Variants in PTCHD4 observed in about 807,000 individuals in gnomAD.
PTCHD4 encodes the protein patched domain-containing protein 4.
A neutral mutation model predicts 58.1 loss-of-function variants in PTCHD4; 33 were observed. The ratio of observed to expected loss-of-function variants is 0.57; its 90% confidence interval spans 0.43 to 0.76. The LOEUF (loss-of-function observed/expected upper bound fraction) is 0.76. PTCHD4 is among the 30% of genes least tolerant of loss of function. The probability of loss-of-function intolerance (pLI) is 0.00; values close to 1 mark genes in which losing one functional copy is unlikely to be tolerated. For missense variants in PTCHD4, 1,058 were observed against 1,027.1 expected (o/e 1.03, Z -0.41); for synonymous variants, 478 against 409.6 (o/e 1.17, Z -2.02).
intron 4 of PTCHD4, among the ~76,000 whole-genome samples, chr6:47,985,456 A>C (rs1043048061): frequency 6.6e-6 from 1 of 152,130 alleles, no homozygotes; most frequent in Admixed American, 6.5e-5. Flanking sequence ...TATGAAAGTC[A>C]TTTATATAGA....
intron 4 of PTCHD4, among the ~76,000 whole-genome samples, chr6:47,980,818 T>C (rs550882374): frequency 2.0e-5 from 3 of 151,994 alleles, no homozygotes; most frequent in East Asian, 1.9e-4. Flanking sequence ...CACTGTTTTT[T>C]CTCCTCCCCA....
chr6:47,939,390 G>T (rs1307115134), intron 4 of PTCHD4, among the ~76,000 whole-genome samples: 2 of 152,050 alleles, frequency 1.3e-5, no homozygotes, highest in Non-Finnish European at 2.9e-5. Flanking sequence ...AAAGTCAGTA[G>T]TAATTAAGAG....
At chr6:48,081,325 T>C (rs565531424) in intron 1 of PTCHD4, among the ~76,000 whole-genome samples, 1 of 152,172 alleles carries the variant, frequency 6.6e-6, no homozygotes, top group Non-Finnish European at 1.5e-5. Context: ...ACATTTCTGC[T>C]CTGTTTTAGG....
intron 1 of PTCHD4, among the ~76,000 whole-genome samples, chr6:48,106,237 A>G (rs941872252): frequency 6.6e-6 from 1 of 152,182 alleles, no homozygotes; most frequent in Admixed American, 6.5e-5. Context: ...GCAACACATC[A>G]AAAAGCTTAT....
rs187792680 is a variant in PTCHD4, at chr6:47,866,456, A to G, written c.*11847T>C. Among the ~76,000 whole-genome samples the G allele has an allele frequency of 2.4e-4, 36 of 151,958 alleles. No individual in the cohort carries two copies. The highest frequency in any genetic ancestry group is 1.2e-3 in the Admixed American group (19 of 15,234). ...CACTAGCTTTGTTACTCCTAGGGTT[A>G]TCCAAAATGTCTCTTAGAGTGTGTT... On this transcript the variant is annotated 3_prime_UTR_variant, in exon 5 of 5. Transcript: ENST00000339488.
In PTCHD4 at chr6:47,977,156, T is replaced by C. The variant is rs1767723117; in HGVS notation, c.898+31478A>G. Among the ~76,000 whole-genome samples, 4 of 152,136 alleles carry C rather than the reference T, an allele frequency of 2.6e-5. No individual in the cohort carries two copies. The South Asian group carries it at 8.3e-4, about 32-fold the overall frequency. ...ACAGAGTTATACAGAAGTTAAGTAA[T>C]GGTTATATATAAGGTGAGCAGGCTT... On this transcript the variant is annotated intron_variant, in intron 4 of 4. Coordinates refer to ENST00000339488, the MANE Select transcript of PTCHD4 (RefSeq NM_001384253.1).
intron 4 of PTCHD4, among the ~76,000 whole-genome samples, chr6:47,982,481 C>CTCTCT (rs557273165): frequency 1.5e-5 from 2 of 130,794 alleles, no homozygotes; most frequent in Admixed American, 8.4e-5. Context: ...TTATCTCTCT[C>CTCTCT]TTTTTTTTTT....
chr6:48,109,886 C>T (rs1191775691), intron 1 of PTCHD4, among the ~76,000 whole-genome samples: 1 of 151,920 alleles, frequency 6.6e-6, no homozygotes, highest in Non-Finnish European at 1.5e-5. Context: ...GAAATATTTC[C>T]TCACACCTAT....
At chr6:47,888,439 C>T (rs1369716062) in intron 4 of PTCHD4, among the ~76,000 whole-genome samples, 1 of 152,074 alleles carries the variant, frequency 6.6e-6, no homozygotes, top group Non-Finnish European at 1.5e-5. Context: ...GACACTCAGT[C>T]CTTAGCACTC....
chr6:47,945,787 A>G (rs915045591), intron 4 of PTCHD4, among the ~76,000 whole-genome samples: 3 of 151,688 alleles, frequency 2.0e-5, no homozygotes, highest in Non-Finnish European at 2.9e-5. Context: ...GATCATCTTT[A>G]CTGCCTTTAA....
chr6:48,032,919 G>T (rs898803044), intron 3 of PTCHD4, among the ~76,000 whole-genome samples: 1 of 152,016 alleles, frequency 6.6e-6, no homozygotes, highest in African/African-American at 2.4e-5. Context: ...CTTGAAGGTG[G>T]AATCGGTGTT....
chr6:48,001,294 G>A lies in PTCHD4; in HGVS notation c.898+7340C>T, dbSNP rs560993059. 1.1e-3 allele frequency among the ~76,000 whole-genome samples: 173 copies of A among 152,234 alleles called. 1 individual carries two copies. In the South Asian group the frequency reaches 0.034, roughly 30 times the overall value. On this transcript the variant is annotated intron_variant, in intron 4 of 4. Transcript: ENST00000339488. ...ATGGAACCAAAAAAGAGCTCACATT[G>A]CCAAGTCAATCCTAAGCCAAAAGAA...
At chr6:47,898,831 A>G (rs764889351) in intron 4 of PTCHD4, among the ~76,000 whole-genome samples, 2 of 152,192 alleles carry the variant, frequency 1.3e-5, no homozygotes, top group Non-Finnish European at 2.9e-5. Context: ...AAGGGGAAAG[A>G]AGAAAAGAGA....
At chr6:48,070,319 T>C (rs1249028102) in intron 1 of PTCHD4, among the ~76,000 whole-genome samples, 1 of 152,172 alleles carries the variant, frequency 6.6e-6, no homozygotes, top group Non-Finnish European at 1.5e-5. Flanking sequence ...AGTGCCCATT[T>C]TTAATTAGAT....
At chr6:47,982,477 C>G (rs1767913619) in intron 4 of PTCHD4, among the ~76,000 whole-genome samples, 1 of 116,416 alleles carries the variant, frequency 8.6e-6, no homozygotes, top group Non-Finnish European at 1.8e-5. Context: ...TGTTTTATCT[C>G]TCTCTTTTTT....
intron 4 of PTCHD4, among the ~76,000 whole-genome samples, chr6:47,909,550 C>A (rs568015060): frequency 6.6e-6 from 1 of 152,088 alleles, no homozygotes; most frequent in African/African-American, 2.4e-5. Context: ...TGGGCTCAAG[C>A]GGTCCTTCTA....
intron 4 of PTCHD4, among the ~76,000 whole-genome samples, chr6:47,982,491 T>G (rs1480058116): frequency 6.7e-6 from 1 of 148,940 alleles, no homozygotes; most frequent in Non-Finnish European, 1.5e-5. Context: ...CTTTTTTTTT[T>G]TTTTTTTTGT....
intron 3 of PTCHD4, among the ~76,000 whole-genome samples, chr6:48,056,829 T>C (rs939931893): frequency 4.6e-5 from 7 of 152,316 alleles, no homozygotes; most frequent in Non-Finnish European, 1.0e-4. Flanking sequence ...CTGCAAGCAC[T>C]GGTGACCATG....
intron 4 of PTCHD4, among the ~76,000 whole-genome samples, chr6:47,887,398 G>T (rs1764226387): frequency 6.6e-6 from 1 of 151,998 alleles, no homozygotes; most frequent in Non-Finnish European, 1.5e-5. Flanking sequence ...AATGGGTTTT[G>T]TGAAATAGAT....
Sources: allele counts gnomAD v4.1 joint callset (sites outside exome capture counted in the v4.1 genomes callset), GRCh38; gene constraint gnomAD v4.1.1; transcripts MANE v1.5; gene names NCBI Gene and HGNC (gene_info 2026-07-23, HGNC 2026-07-21).